PDE10A: variants seen among roughly 807,000 people sequenced by gnomAD.
The protein encoded by PDE10A is cAMP and cAMP-inhibited cGMP 3',5'-cyclic phosphodiesterase 10A.
PDE10A carries 39 observed loss-of-function variants against 97.7 expected under a neutral mutation model. That is an observed-to-expected ratio of 0.40 (90% CI 0.31 to 0.52). The LOEUF (loss-of-function observed/expected upper bound fraction) is 0.52, where lower values mean the gene tolerates loss of function less well. PDE10A is among the 20% of genes least tolerant of loss of function. PDE10A has a pLI of 0.56. For synonymous variants in PDE10A, 371 were observed against 376.8 expected, an observed-to-expected ratio of 0.98 and a Z score of 0.18; for missense variants, 731 against 1,047.8, an observed-to-expected ratio of 0.70 and a Z score of 4.17.
intron 1 of PDE10A, among the ~76,000 whole-genome samples, chr6:165,650,585 G>A (rs2128425095): frequency 6.6e-6 from 1 of 152,228 alleles, no homozygotes; most frequent in African/African-American, 2.4e-5. Flanking sequence ...TTACACTGCT[G>A]CAAATGTTAT....
chr6:165,636,836 A>G (rs1788901683), intron 1 of PDE10A, among the ~76,000 whole-genome samples: 1 of 152,112 alleles, frequency 6.6e-6, no homozygotes, highest in Admixed American at 6.6e-5. Context: ...AGGTCCAGCC[A>G]CCCCTCACCT....
intron 2 of PDE10A, among the ~76,000 whole-genome samples, chr6:165,509,144 T>C (rs982077980): frequency 6.6e-6 from 1 of 152,100 alleles, no homozygotes; most frequent in Admixed American, 6.6e-5. Context: ...CTTTTATTGA[T>C]ATATATTATT....
At chr6:165,930,415 T>C (rs916639203) in intron 1 of PDE10A, among the ~76,000 whole-genome samples, 19 of 152,202 alleles carry the variant, frequency 1.2e-4, no homozygotes, top group African/African-American at 4.6e-4. Flanking sequence ...TTCCTTTGCA[T>C]GCGTTCTTTG....
At chr6:165,613,131 A>G (rs1787573728) in intron 1 of PDE10A, among the ~76,000 whole-genome samples, 1 of 152,210 alleles carries the variant, frequency 6.6e-6, no homozygotes. Context: ...TTTTGATTCT[A>G]TCCCTTGAAT....
intron 18 of PDE10A, among the ~76,000 whole-genome samples, chr6:165,371,178 G>T (rs1229215445): frequency 2.0e-5 from 3 of 151,522 alleles, no homozygotes; most frequent in African/African-American, 4.9e-5. Flanking sequence ...AACTAGAAAA[G>T]CAAGAGCAAA....
intron 1 of PDE10A, among the ~76,000 whole-genome samples, chr6:165,829,869 A>G (rs1436403674): frequency 6.6e-6 from 1 of 152,124 alleles, no homozygotes; most frequent in Non-Finnish European, 1.5e-5. Context: ...GCGGCCCCTA[A>G]CACCAGGGCT....
chr6:165,610,531 A>T (rs1583640429), intron 1 of PDE10A, among the ~76,000 whole-genome samples: 2 of 134,686 alleles, frequency 1.5e-5, no homozygotes, highest in Admixed American at 1.5e-4. Flanking sequence ...ACTCCGTCTC[A>T]AAAAAAAAAA....
chr6:165,734,210 C>G (rs938699169), intron 1 of PDE10A, among the ~76,000 whole-genome samples: 2 of 152,144 alleles, frequency 1.3e-5, no homozygotes, highest in Admixed American at 1.3e-4. Context: ...ATCTGAATCC[C>G]AAACTCATAC....
intron 15 of PDE10A, 134 bp downstream of exon 15, chr6:165,395,047 G>A (rs1428001816): frequency 1.8e-6 from 1 of 547,574 alleles, no homozygotes; most frequent in Non-Finnish European, 3.3e-6. Context: ...GGAATATTTA[G>A]GAAAAAAAGT....
At chr6:165,624,940 T>C (rs9364806) in intron 1 of PDE10A, among the ~76,000 whole-genome samples, 127,031 of 152,216 alleles carry the variant, frequency 0.83, 53,751 homozygotes, top group East Asian at 0.93. Context: ...CAGTCCTGAA[T>C]GCAGGAGGGC....
intron 1 of PDE10A, among the ~76,000 whole-genome samples, chr6:165,920,944 A>T (rs2128488353): frequency 6.6e-6 from 1 of 152,290 alleles, no homozygotes; most frequent in Admixed American, 6.5e-5. Flanking sequence ...TGGAGGAAAG[A>T]ATCTTAAGTG....
At chr6:165,594,347 C>A (rs189040323) in intron 1 of PDE10A, among the ~76,000 whole-genome samples, 2 of 152,238 alleles carry the variant, frequency 1.3e-5, no homozygotes, top group African/African-American at 4.8e-5. Flanking sequence ...TGAAAGAACG[C>A]ATACTGGCCA....
intron 12 of PDE10A, 52 bp from the exon 13 acceptor site, chr6:165,413,739 A>G: frequency 7.0e-7 from 1 of 1,423,870 alleles, no homozygotes; most frequent in South Asian, 1.2e-5. Context: ...GGCAGAAGAA[A>G]TAAAGGACAC....
At chr6:165,923,982 A>ACCGG (rs1782840598) in intron 1 of PDE10A, among the ~76,000 whole-genome samples, 3 of 152,218 alleles carry the variant, frequency 2.0e-5, no homozygotes, top group African/African-American at 2.4e-5. Flanking sequence ...GGGATTCAAG[A>ACCGG]CCAGCCTGGG....
chr6:165,802,766 G>C (rs1779016823), intron 1 of PDE10A, among the ~76,000 whole-genome samples: 1 of 152,162 alleles, frequency 6.6e-6, no homozygotes, highest in South Asian at 2.1e-4. Flanking sequence ...GGTTCGATAT[G>C]TTGTACCTTG....
chr6:165,980,725 G>C (rs1393824799), intron 1 of PDE10A, among the ~76,000 whole-genome samples: 1 of 152,112 alleles, frequency 6.6e-6, no homozygotes, highest in Non-Finnish European at 1.5e-5. Context: ...ATCTTCTCAT[G>C]ACCATTGACT....
At chr6:165,808,561 G>A (rs961933643) in intron 1 of PDE10A, among the ~76,000 whole-genome samples, 1 of 152,214 alleles carries the variant, frequency 6.6e-6, no homozygotes, top group Non-Finnish European at 1.5e-5. Flanking sequence ...TTTCCAGCTT[G>A]TGATTCTATC....
At position 165,777,642 on chromosome 6, in the gene PDE10A, C is replaced by T. The variant is rs1037905627; in HGVS notation, c.-615+209887G>A. On this transcript the variant is annotated intron_variant, in intron 1 of 19. Coordinates refer to the PDE10A transcript ENST00000366882. Reference sequence around the variant, plus strand: ...GGGGAAAATGCCGGCTGAGCAAAACCACTCTGAAGCCAAATGGACAGATAA... The same window carrying T: ...GGGGAAAATGCCGGCTGAGCAAAACTACTCTGAAGCCAAATGGACAGATAA... 3.3e-4 allele frequency among the ~76,000 whole-genome samples: 51 copies of T among 152,352 alleles called. No individual in the cohort carries two copies. In the Middle Eastern group the frequency reaches 0.014, roughly 41 times the overall value.
At chr6:165,820,179 A>C (rs1055471929) in intron 1 of PDE10A, among the ~76,000 whole-genome samples, 1 of 152,218 alleles carries the variant, frequency 6.6e-6, no homozygotes, top group Non-Finnish European at 1.5e-5. Context: ...ATACAAATGA[A>C]TGAACTGCAC....
Sources: allele counts gnomAD v4.1 joint callset (sites outside exome capture counted in the v4.1 genomes callset), GRCh38; gene constraint gnomAD v4.1.1; transcripts MANE v1.5; gene names NCBI Gene and HGNC (gene_info 2026-07-23, HGNC 2026-07-21).